COL24A1: variants seen among roughly 807,000 people sequenced by gnomAD.
COL24A1 encodes collagen type XXIV alpha 1 chain.
Under a neutral mutation model 253.9 loss-of-function variants are expected in COL24A1, and 224 were observed. The observed-to-expected ratio is 0.88, with a 90% CI of 0.79 to 0.99. COL24A1 has a LOEUF of 0.99. Ranked by LOEUF, COL24A1 falls within the 50% of genes least tolerant of loss-of-function variation. The pLI is 0.00. For missense variants in COL24A1, 2,131 were observed against 2,068.5 expected (o/e 1.03, Z -0.59); for synonymous variants, 685 against 673.7 (o/e 1.02, Z -0.26).
chr1:85,888,052 G>T (rs1021602648), intron 32 of COL24A1, among the ~76,000 whole-genome samples: 8 of 151,330 alleles, frequency 5.3e-5, no homozygotes, highest in Non-Finnish European at 1.2e-4. Context: ...TTTTGTTTCA[G>T]TGAATAGTAT....
At chr1:85,847,872 T>A in intron 38 of COL24A1, 100 bp from the exon 39 acceptor site, 2 of 672,560 alleles carry the variant, frequency 3.0e-6, no homozygotes, top group Non-Finnish European at 5.2e-6. Flanking sequence ...GATTATCTGG[T>A]TAACAGTATT....
intron 35 of COL24A1, among the ~76,000 whole-genome samples, chr1:85,871,025 G>A (rs986654164): frequency 1.3e-5 from 2 of 152,034 alleles, no homozygotes; most frequent in Admixed American, 6.6e-5. Context: ...TATCACCACC[G>A]ATCCCACAGA....
intron 7 of COL24A1, among the ~76,000 whole-genome samples, chr1:86,082,562 T>G (rs906944610): frequency 6.9e-6 from 1 of 145,220 alleles, no homozygotes; most frequent in Non-Finnish European, 1.5e-5. Context: ...CTTTCATATC[T>G]TCATAATCAC....
chr1:86,124,717 G>T, intron 3 of COL24A1, 128 bp downstream of exon 3: 1 of 606,566 alleles, frequency 1.6e-6, no homozygotes. Flanking sequence ...GTGCCAGAAT[G>T]CATTTCCATG....
At position 85,847,758 on chromosome 1, in the gene COL24A1, T is replaced by TATCACCC. The variant is rs746093613; in HGVS notation, c.3368_3369insGGGTGAT (p.Ile1124GlyfsTer24). The stretch of plus-strand genomic sequence containing the variant: ...TTCCAACTTCTCCTGTGGGTCCTAT[T>TATCACCC]TGTCCTTTATCACCCTGTGGATGAC... On this transcript the variant is annotated frameshift_variant, in exon 39 of 60. Coordinates refer to ENST00000370571, the MANE Select transcript of COL24A1 (RefSeq NM_152890.7). LOFTEE classifies it high-confidence loss of function. The TATCACCC allele has an allele frequency of 6.2e-7, 1 of 1,613,382 alleles. No individual in the cohort carries two copies. Among genetic ancestry groups the TATCACCC allele is most frequent in the South Asian group, 1.1e-5 (1 of 91,020 alleles).
At chr1:86,008,401 T>C (rs1052972587) in intron 19 of COL24A1, among the ~76,000 whole-genome samples, 2 of 152,116 alleles carry the variant, frequency 1.3e-5, no homozygotes. Flanking sequence ...CACACCACCA[T>C]GCCAGGCTAA....
chr1:85,873,808 ACCCT>A (rs1234811294), intron 35 of COL24A1, among the ~76,000 whole-genome samples: 1 of 148,088 alleles, frequency 6.8e-6, no homozygotes, highest in Non-Finnish European at 1.5e-5. Flanking sequence ...GTGCACATGT[ACCCT>A]AGAACTTAAA....
At chr1:86,065,581 A>G (rs1701409189) in intron 7 of COL24A1, among the ~76,000 whole-genome samples, 1 of 152,096 alleles carries the variant, frequency 6.6e-6, no homozygotes, top group African/African-American at 2.4e-5. Context: ...AAGGGAGGAC[A>G]ATATAAGTCA....
chr1:85,895,988 T>C (rs746872497), intron 30 of COL24A1, 33 bp downstream of exon 30: 152 of 1,600,456 alleles, frequency 9.5e-5, no homozygotes, highest in Non-Finnish European at 1.3e-4. Flanking sequence ...ACTTAAAATG[T>C]TCATCTTTAA....
intron 19 of COL24A1, among the ~76,000 whole-genome samples, chr1:86,011,185 G>GA (rs11313245): frequency 2.0e-5 from 3 of 151,638 alleles, no homozygotes; most frequent in African/African-American, 4.8e-5. Context: ...TGGTTTTAAA[G>GA]AAAAAAAATA....
At chr1:85,874,767 C>A in intron 34 of COL24A1, 65 bp from the exon 35 acceptor site, 2 of 1,559,730 alleles carry the variant, frequency 1.3e-6, no homozygotes, top group East Asian at 4.5e-5. Flanking sequence ...TTATGGAGGG[C>A]ATGCCATACG....
intron 28 of COL24A1, among the ~76,000 whole-genome samples, chr1:85,905,691 G>A (rs550177595): frequency 2.6e-5 from 4 of 152,064 alleles, no homozygotes; most frequent in Non-Finnish European, 5.9e-5. Context: ...AGGAATTGAT[G>A]ACAAAGTGAC....
chr1:85,877,116 A>G lies in COL24A1; in HGVS notation c.3030+6T>C, dbSNP rs923493831. 6.2e-7 allele frequency: 1 copy of G among 1,601,472 alleles called. No homozygotes were observed. Among genetic ancestry groups the G allele is most frequent in the Non-Finnish European group, 8.5e-7 (1 of 1,174,304 alleles). Reference sequence around the variant, plus strand: ...TATGAAGAAGAACTAGCCACAAAAAATTTACCTCCATGCCCATTTCTCCAG... The same window carrying G: ...TATGAAGAAGAACTAGCCACAAAAAGTTTACCTCCATGCCCATTTCTCCAG... On this transcript the variant is annotated splice_donor_region_variant and intron_variant, in intron 33 of 59. Transcript: ENST00000370571.
At chr1:85,860,318 C>T (rs1029989141) in intron 37 of COL24A1, among the ~76,000 whole-genome samples, 38 of 152,112 alleles carry the variant, frequency 2.5e-4, no homozygotes, top group African/African-American at 8.0e-4. Context: ...ACATTTTCGT[C>T]ACTTCCCCCC....
At chr1:86,036,911 CA>C (rs1330327639) in intron 12 of COL24A1, among the ~76,000 whole-genome samples, 1 of 152,124 alleles carries the variant, frequency 6.6e-6, no homozygotes, top group Non-Finnish European at 1.5e-5. Context: ...TGCCAAAGGA[CA>C]AAATGGCCAT....
Position 85,849,343 on chromosome 1 carries a change from A to G in COL24A1, c.3354+10T>C. 3 of 1,611,624 alleles carry G rather than the reference A, an allele frequency of 1.9e-6. No homozygotes were observed. Among genetic ancestry groups the G allele is most frequent in the Non-Finnish European group, 2.5e-6 (3 of 1,178,132 alleles). ...AAAGAAAACCTGCATAAGAAGATGTAAAAAATTACCTTTTTTCCTGGACGA... is the reference window on the plus strand; with the variant it reads ...AAAGAAAACCTGCATAAGAAGATGTGAAAAATTACCTTTTTTCCTGGACGA... On this transcript the variant is annotated intron_variant, in intron 38 of 59. Coordinates refer to ENST00000370571, the MANE Select transcript of COL24A1 (RefSeq NM_152890.7).
At chr1:86,121,182 C>T (rs1057311021) in intron 3 of COL24A1, among the ~76,000 whole-genome samples, 2 of 151,998 alleles carry the variant, frequency 1.3e-5, no homozygotes, top group African/African-American at 4.8e-5. Context: ...AGGAGAAATA[C>T]CTAATGTAAA....
At chr1:85,991,859 A>AT (rs1299821460) in intron 19 of COL24A1, among the ~76,000 whole-genome samples, 1 of 149,354 alleles carries the variant, frequency 6.7e-6, no homozygotes, top group Non-Finnish European at 1.5e-5. Context: ...GCACAAGTTT[A>AT]TTTTTTATTT....
chr1:85,831,871 C>CA, intron 43 of COL24A1, among the ~76,000 whole-genome samples: 1 of 151,928 alleles, frequency 6.6e-6, no homozygotes, highest in South Asian at 2.1e-4. Context: ...ATAATTTTGG[C>CA]AAAAAATGAT....
Sources: allele counts gnomAD v4.1 joint callset (sites outside exome capture counted in the v4.1 genomes callset), GRCh38; gene constraint gnomAD v4.1.1; transcripts MANE v1.5; gene names NCBI Gene and HGNC (gene_info 2026-07-23, HGNC 2026-07-21).